Variants in EEPD1 observed in about 807,000 individuals in gnomAD.
EEPD1 encodes the protein endonuclease/exonuclease/phosphatase family domain containing 1, also known as endonuclease/exonuclease/phosphatase family domain-containing protein 1.
EEPD1 carries 17 observed loss-of-function variants against 46.3 expected under a neutral mutation model. The ratio of observed to expected loss-of-function variants is 0.37; its 90% CI spans 0.25 to 0.55. The LOEUF (loss-of-function observed/expected upper bound fraction) is 0.55, where lower values mean the gene tolerates loss of function less well. EEPD1 is among the 20% of genes least tolerant of loss of function. The pLI is 0.83. For missense variants in EEPD1, 673 were observed against 745.6 expected, an observed-to-expected ratio of 0.90 and a Z score of 1.13; for synonymous variants, 313 against 315.6, an observed-to-expected ratio of 0.99 and a Z score of 0.09.
At chr7:36,285,058 G>C (rs548508531) in intron 5 of EEPD1, among the ~76,000 whole-genome samples, 5 of 152,122 alleles carry the variant, frequency 3.3e-5, no homozygotes, top group East Asian at 3.9e-4. Context: ...AGCAGGAGAG[G>C]GGGGAAGGAG....
At chr7:36,250,168 G>A (rs561718775) in intron 3 of EEPD1, among the ~76,000 whole-genome samples, 23 of 152,344 alleles carry the variant, frequency 1.5e-4, no homozygotes, top group African/African-American at 4.6e-4. Context: ...GCTGCAGTGA[G>A]CCATGATTGC....
In EEPD1 at chr7:36,292,415, TTC is replaced by T. The variant is rs772973334; in HGVS notation, c.1316-4572_1316-4571del. 4.1e-4 allele frequency among the ~76,000 whole-genome samples: 63 copies of T among 152,056 alleles called. 1 individual carries two copies. The highest frequency in any genetic ancestry group is 1.3e-3 in the African/African-American group (53 of 41,512). ...TTTTCTTTCTTTCTTTTCTTTCTTTTTCTCTCTTTTTCTTTCTCTCTCTCTGT... is the reference window on the plus strand; with the variant it reads ...TTTTCTTTCTTTCTTTTCTTTCTTTTTCTCTTTTTCTTTCTCTCTCTCTGT... On this transcript the variant is annotated intron_variant, in intron 6 of 7. Coordinates refer to ENST00000242108, the MANE Select transcript of EEPD1 (RefSeq NM_030636.3).
rs1412804516 is a variant in EEPD1 at position 36,300,652 on chromosome 7, AC to A, written c.*1449del. 3 of 152,146 alleles carry A rather than the reference AC, an allele frequency of 2.0e-5. No homozygotes were observed. The highest frequency in any genetic ancestry group is 7.2e-5 in the African/African-American group (3 of 41,426). 9.4% of individuals were successfully genotyped at this position (152,146 alleles called of 1,614,324 possible). A position where few individuals can be genotyped will look rare whatever the true frequency, so the allele number is the denominator to read the frequency against. On this transcript the variant is annotated 3_prime_UTR_variant, in exon 8 of 8. Coordinates refer to ENST00000242108, the MANE Select transcript of EEPD1 (RefSeq NM_030636.3). ...ACCCTCCTGTCCCCACGCAGTGTAA[AC>A]CCAGTGGCTTCTCTGACCTGGAGCT...
chr7:36,217,647 A>G (rs1426849810), intron 2 of EEPD1, among the ~76,000 whole-genome samples: 2 of 152,232 alleles, frequency 1.3e-5, no homozygotes, highest in Non-Finnish European at 2.9e-5. Context: ...GATAACTTTT[A>G]AAACAAATAA....
At chr7:36,189,722 T>C (rs559111784) in intron 2 of EEPD1, among the ~76,000 whole-genome samples, 1 of 152,316 alleles carries the variant, frequency 6.6e-6, no homozygotes, top group East Asian at 1.9e-4. Flanking sequence ...TTGCTGAGGG[T>C]ATTTAACACC....
chr7:36,212,472 G>A (rs960795946), intron 2 of EEPD1, among the ~76,000 whole-genome samples: 14 of 134,040 alleles, frequency 1.0e-4, no homozygotes, highest in South Asian at 4.7e-4. Flanking sequence ...AGCAATAGAG[G>A]AAACAGTAAA....
chr7:36,224,644 T>C (rs888283563), intron 2 of EEPD1, among the ~76,000 whole-genome samples: 2 of 151,968 alleles, frequency 1.3e-5, no homozygotes, highest in Admixed American at 6.6e-5. Context: ...ATATTTGACA[T>C]GGAAAAGCAA....
At chr7:36,181,177 C>T (rs1393182756) in intron 2 of EEPD1, among the ~76,000 whole-genome samples, 1 of 152,170 alleles carries the variant, frequency 6.6e-6, no homozygotes, top group Non-Finnish European at 1.5e-5. Context: ...TCACAGTCTC[C>T]TATCCACGCG....
At chr7:36,260,108 AAGG>A (rs1167904460) in intron 3 of EEPD1, among the ~76,000 whole-genome samples, 12 of 152,232 alleles carry the variant, frequency 7.9e-5, no homozygotes, top group Admixed American at 7.9e-4. Flanking sequence ...TAAGAAAATG[AAGG>A]AGAAGAAATA....
chr7:36,156,813 C>A (rs949025453), intron 2 of EEPD1, among the ~76,000 whole-genome samples: 10 of 152,168 alleles, frequency 6.6e-5, no homozygotes, highest in African/African-American at 2.4e-4. Flanking sequence ...AGTTTGAGAA[C>A]CATTGTACTA....
In EEPD1 at chr7:36,195,127, C is replaced by T. The variant is rs1047892191; in HGVS notation, c.878+39925C>T. On this transcript the variant is annotated intron_variant, in intron 2 of 7. Transcript: ENST00000242108. ...GTCCCAGACAACAGGAGAGGCAGGG[C>T]GCCCTTCTGAGTTCCCCAGCAGTTA... Among the ~76,000 whole-genome samples the T allele has an allele frequency of 1.4e-4, 21 of 152,180 alleles. 1 individual carries two copies. The highest frequency in any genetic ancestry group is 4.1e-4 in the African/African-American group (17 of 41,454).
At chr7:36,252,601 A>G (rs1786767447) in intron 3 of EEPD1, among the ~76,000 whole-genome samples, 1 of 145,932 alleles carries the variant, frequency 6.9e-6, no homozygotes, top group South Asian at 2.2e-4. Flanking sequence ...CTTCCCTCAA[A>G]TAACAATATA....
chr7:36,224,935 T>C (rs1158906451), intron 2 of EEPD1, among the ~76,000 whole-genome samples: 1 of 151,940 alleles, frequency 6.6e-6, no homozygotes, highest in Non-Finnish European at 1.5e-5. Context: ...ATCACAAGTG[T>C]CCTTGTAAGA....
At chr7:36,218,075 C>T (rs1786062662) in intron 2 of EEPD1, among the ~76,000 whole-genome samples, 1 of 152,152 alleles carries the variant, frequency 6.6e-6, no homozygotes, top group Non-Finnish European at 1.5e-5. Context: ...AGAACAGCAG[C>T]AGTAAGCCTG....
Position 36,174,312 on chromosome 7 carries a change from A to T in EEPD1, c.878+19110A>T, listed in dbSNP as rs539708161. ...TAAGAATCTTAATTGATACACCCTG[A>T]TACACAGATTCTGGATCAGTGGTTT... On this transcript the variant is annotated intron_variant, in intron 2 of 7. Transcript: ENST00000242108. Among the ~76,000 whole-genome samples the T allele has an allele frequency of 5.3e-5, 8 of 152,332 alleles. No individual in the cohort carries two copies. The South Asian group carries it at 6.2e-4, about 12-fold the overall frequency.
chr7:36,277,204 G>C (rs569468543), intron 3 of EEPD1, among the ~76,000 whole-genome samples: 1 of 152,338 alleles, frequency 6.6e-6, no homozygotes, highest in South Asian at 2.1e-4. Flanking sequence ...TCCACCTGTC[G>C]AGGCCAGGAA....
chr7:36,159,942 G>A (rs1287216141), intron 2 of EEPD1, among the ~76,000 whole-genome samples: 1 of 152,238 alleles, frequency 6.6e-6, no homozygotes, highest in Non-Finnish European at 1.5e-5. Flanking sequence ...TAAGAGTGTT[G>A]TGGATTTGTA....
intron 7 of EEPD1, among the ~76,000 whole-genome samples, 184 bp from the exon 8 acceptor site, chr7:36,298,823 C>G (rs1389094854): frequency 6.6e-6 from 1 of 152,238 alleles, no homozygotes; most frequent in East Asian, 1.9e-4. Context: ...TGTGGAAAAT[C>G]AAACTGGCCG....
At chr7:36,279,243 G>A (rs1158065896) in intron 3 of EEPD1, among the ~76,000 whole-genome samples, 1 of 152,124 alleles carries the variant, frequency 6.6e-6, no homozygotes, top group Non-Finnish European at 1.5e-5. Flanking sequence ...TGCCAGGTAG[G>A]GGTTTATAAA....
Sources: gnomAD v4.1 joint callset for allele counts (sites outside exome capture counted in the v4.1 genomes callset) on GRCh38, gnomAD v4.1.1 for gene constraint, MANE v1.5 for transcripts, NCBI Gene and HGNC (gene_info 2026-07-23, HGNC 2026-07-21) for gene names.